The following MAP3K7 variants were observed in gnomAD, a reference collection of about 807,000 sequenced individuals.
MAP3K7 encodes mitogen-activated protein kinase kinase kinase 7.
In MAP3K7, 21 loss-of-function variants were observed where a neutral mutation model predicts 84.8. The observed-to-expected ratio is 0.25, with a 90% CI of 0.18 to 0.36. The LOEUF is 0.36. MAP3K7 is among the 10% of genes least tolerant of loss of function. MAP3K7 has a pLI of 1.00. For missense variants in MAP3K7, 503 were observed against 747.7 expected (o/e 0.67, Z 3.82); for synonymous variants, 241 against 247.7 (o/e 0.97, Z 0.25).
At chr6:90,566,586 T>A (rs9362749) in intron 3 of MAP3K7, among the ~76,000 whole-genome samples, 1 of 152,170 alleles carries the variant, frequency 6.6e-6, no homozygotes, top group Non-Finnish European at 1.5e-5. Flanking sequence ...TGGAAGAACA[T>A]TCCATGCTCA....
intron 13 of MAP3K7, 95 bp downstream of exon 13, chr6:90,536,242 C>A: frequency 2.1e-6 from 2 of 938,388 alleles, no homozygotes; most frequent in East Asian, 2.5e-5. Context: ...AACTTTAGGT[C>A]AACTCATAAA....
intron 1 of MAP3K7, among the ~76,000 whole-genome samples, chr6:90,577,496 T>C (rs200570030): frequency 7.6e-6 from 1 of 131,558 alleles, no homozygotes; most frequent in African/African-American, 2.8e-5. Context: ...CCAAAAATAA[T>C]ATGGAGATAG....
At chr6:90,535,338 T>C (rs1562085255) in intron 13 of MAP3K7, among the ~76,000 whole-genome samples, 2 of 151,828 alleles carry the variant, frequency 1.3e-5, no homozygotes. Flanking sequence ...TAATACATAT[T>C]ATCATAAATT....
chr6:90,537,496 C>A (rs970563353), intron 12 of MAP3K7, among the ~76,000 whole-genome samples: 1 of 151,952 alleles, frequency 6.6e-6, no homozygotes, highest in African/African-American at 2.4e-5. Context: ...AAGGACCTTA[C>A]AATGGAATAA....
chr6:90,519,770 A>T (rs1417299409), intron 14 of MAP3K7, among the ~76,000 whole-genome samples: 2 of 151,994 alleles, frequency 1.3e-5, no homozygotes, highest in Admixed American at 6.6e-5. Flanking sequence ...GAAAGCAGAG[A>T]CACATTCTCT....
At chr6:90,521,620 G>A (rs1775153829) in intron 14 of MAP3K7, among the ~76,000 whole-genome samples, 1 of 152,026 alleles carries the variant, frequency 6.6e-6, no homozygotes, top group South Asian at 2.1e-4. Context: ...TCAGTATTAT[G>A]ACTCTAACCA....
intron 1 of MAP3K7, among the ~76,000 whole-genome samples, chr6:90,580,618 C>A (rs1269259972): frequency 6.6e-6 from 1 of 152,110 alleles, no homozygotes; most frequent in Admixed American, 6.5e-5. Flanking sequence ...CCGTACCTAG[C>A]CCAACATTAT....
chr6:90,542,793 G>T (rs1562089672), intron 12 of MAP3K7, among the ~76,000 whole-genome samples: 1 of 151,976 alleles, frequency 6.6e-6, no homozygotes, highest in South Asian at 2.1e-4. Context: ...CTAATCAGGG[G>T]TTTTCAGCCT....
At chr6:90,525,682 C>T (rs1252262111) in intron 13 of MAP3K7, among the ~76,000 whole-genome samples, 1 of 150,670 alleles carries the variant, frequency 6.6e-6, no homozygotes, top group Admixed American at 6.6e-5. Flanking sequence ...ATCCTTCCAT[C>T]TCAGCCTCCC....
intron 14 of MAP3K7, among the ~76,000 whole-genome samples, chr6:90,520,986 T>G (rs1775130088): frequency 6.6e-6 from 1 of 152,102 alleles, no homozygotes; most frequent in African/African-American, 2.4e-5. Flanking sequence ...ATCAGCACCC[T>G]GTATCTGATA....
chr6:90,550,815 C>A (rs956283821), intron 8 of MAP3K7: 9 of 284,554 alleles, frequency 3.2e-5, no homozygotes, highest in African/African-American at 1.3e-4. Flanking sequence ...AAAATAGTAT[C>A]ATTTCTCATA....
At chr6:90,542,358 G>A in intron 12 of MAP3K7, 2 of 983,318 alleles carry the variant, frequency 2.0e-6, no homozygotes, top group South Asian at 4.7e-5. Context: ...TGATATCTGA[G>A]GGGGGAAAAG....
At chr6:90,577,949 G>C (rs1347878325) in intron 1 of MAP3K7, among the ~76,000 whole-genome samples, 1 of 152,170 alleles carries the variant, frequency 6.6e-6, no homozygotes, top group African/African-American at 2.4e-5. Flanking sequence ...CTCCCTTGCT[G>C]TTTATATTAT....
chr6:90,551,122 A>G, intron 8 of MAP3K7: 1 of 152,254 alleles, frequency 6.6e-6, no homozygotes, highest in East Asian at 1.9e-4. Context: ...AAGTAATCTG[A>G]CTACAGAGAC....
chr6:90,565,630 A>C (rs953737369), intron 3 of MAP3K7, among the ~76,000 whole-genome samples: 2 of 152,194 alleles, frequency 1.3e-5, no homozygotes, highest in Non-Finnish European at 2.9e-5. Context: ...ATTCTACCAG[A>C]GGTACAAAGA....
chr6:90,551,432 GT>G (rs1406203701), intron 8 of MAP3K7: 1 of 152,012 alleles, frequency 6.6e-6, no homozygotes, highest in Non-Finnish European at 1.5e-5. Context: ...AACCAGAGGC[GT>G]AAAATATTCC....
At chr6:90,573,429 A>AATG (rs1404630818) in intron 1 of MAP3K7, among the ~76,000 whole-genome samples, 1 of 152,186 alleles carries the variant, frequency 6.6e-6, no homozygotes, top group Admixed American at 6.5e-5. Flanking sequence ...TAATAATAAT[A>AATG]TTAGGACACT....
At chr6:90,525,502 T>G (rs978531311) in intron 13 of MAP3K7, among the ~76,000 whole-genome samples, 1 of 151,912 alleles carries the variant, frequency 6.6e-6, no homozygotes, top group Non-Finnish European at 1.5e-5. Flanking sequence ...GATTCAAAAT[T>G]TATATGCTGT....
At chr6:90,542,294 T>C (rs1775877934) in intron 12 of MAP3K7, 1 of 983,786 alleles carries the variant, frequency 1.0e-6, no homozygotes, top group Non-Finnish European at 1.2e-6. Context: ...CTAGTGTCAA[T>C]TCTACAGCTT....
Sources: allele counts gnomAD v4.1 joint callset (sites outside exome capture counted in the v4.1 genomes callset), GRCh38; gene constraint gnomAD v4.1.1; transcripts MANE v1.5; gene names NCBI Gene and HGNC (gene_info 2026-07-23, HGNC 2026-07-21).